MGA: variants seen among roughly 807,000 people sequenced by gnomAD.
MGA encodes the protein MAX dimerization protein MGA, also known as MAX gene-associated protein.
In MGA, 40 loss-of-function variants were observed where a neutral mutation model predicts 261.1. That is an observed-to-expected ratio of 0.15 (90% confidence interval 0.12 to 0.20). The LOEUF is 0.20. Ranked by LOEUF, MGA falls within the 10% of genes least tolerant of loss-of-function variation. The pLI is 1.00. For synonymous variants in MGA, 1,302 were observed against 1,290.6 expected (o/e 1.01, Z -0.19); for missense variants, 3,397 against 3,630.5 (o/e 0.94, Z 1.65).
rs1158421795 is a variant in MGA at position 41,769,110 on chromosome 15, A to G, written c.*1830A>G. On this transcript the variant is annotated 3_prime_UTR_variant, in exon 24 of 24. Coordinates refer to ENST00000219905, the MANE Select transcript of MGA (RefSeq NM_001164273.2). ...CCAGCACCTGTCTCCCCTGCTAATAATTGTCCTTAGAGATGCTAGTACTTT... is the reference window on the plus strand; with the variant it reads ...CCAGCACCTGTCTCCCCTGCTAATAGTTGTCCTTAGAGATGCTAGTACTTT... The G allele has an allele frequency of 6.6e-6, 1 of 152,564 alleles. No homozygotes were observed. The highest frequency in any genetic ancestry group is 2.4e-5 in the African/African-American group (1 of 41,416). 9.5% of individuals were successfully genotyped at this position (152,564 alleles called of 1,614,324 possible). A position where few individuals can be genotyped will look rare whatever the true frequency, so the allele number is the denominator to read the frequency against.
intron 1 of MGA, among the ~76,000 whole-genome samples, chr15:41,647,878 C>T (rs1019719366): frequency 3.0e-4 from 45 of 152,254 alleles, no homozygotes; most frequent in African/African-American, 1.0e-3. Context: ...AAAAGTACAT[C>T]GCATACTAAA....
chr15:41,665,881 T>G (rs1280920319), intron 1 of MGA, among the ~76,000 whole-genome samples: 1 of 152,126 alleles, frequency 6.6e-6, no homozygotes, highest in Non-Finnish European at 1.5e-5. Flanking sequence ...GACCTTTTTC[T>G]TTATAACCTT....
intron 2 of MGA, among the ~76,000 whole-genome samples, chr15:41,677,285 G>A (rs2058438151): frequency 6.6e-6 from 1 of 152,162 alleles, no homozygotes; most frequent in Non-Finnish European, 1.5e-5. Context: ...GCGATTACAG[G>A]CACGTGCCAC....
chr15:41,706,027 A>G (rs2060092501), intron 5 of MGA, among the ~76,000 whole-genome samples: 1 of 152,088 alleles, frequency 6.6e-6, no homozygotes, highest in Non-Finnish European at 1.5e-5. Flanking sequence ...TTACGAGGTC[A>G]GGATTTCGAG....
At chr15:41,697,445 C>T (rs1467882681) in intron 3 of MGA, among the ~76,000 whole-genome samples, 3 of 132,094 alleles carry the variant, frequency 2.3e-5, no homozygotes, top group Non-Finnish European at 3.1e-5. Context: ...GAGACAGAGT[C>T]TTGCTCTGTT....
At chr15:41,662,106 C>A (rs1283292367) in intron 1 of MGA, among the ~76,000 whole-genome samples, 2 of 152,096 alleles carry the variant, frequency 1.3e-5, no homozygotes, top group Admixed American at 6.6e-5. Flanking sequence ...CGGAACAGCG[C>A]TAGTGTTTCT....
Position 41,742,937 on chromosome 15 carries a change from C to T in MGA, c.4977C>T (p.Asn1659=). Residue 1659 remains asparagine, a synonymous_variant, in exon 15 of 24, where the codon AAC becomes AAT. Coordinates refer to ENST00000219905, the MANE Select transcript of MGA (RefSeq NM_001164273.2). ...CTACCCAGTCTACAGCCACTGTGAACCTTACCAAAACCACTGGGATAACTA... is the reference window on the plus strand; with the variant it reads ...CTACCCAGTCTACAGCCACTGTGAATCTTACCAAAACCACTGGGATAACTA... 1 of 1,614,000 alleles carries T rather than the reference C, an allele frequency of 6.2e-7. No homozygotes were observed. Among genetic ancestry groups the T allele is most frequent in the South Asian group, 1.1e-5 (1 of 91,084 alleles).
intron 19 of MGA, among the ~76,000 whole-genome samples, chr15:41,758,094 A>T (rs2063246692): frequency 6.6e-6 from 1 of 152,102 alleles, no homozygotes. Flanking sequence ...ATGAGAATAT[A>T]TGTGGTTATT....
intron 6 of MGA, 85 bp from the exon 7 acceptor site, chr15:41,708,019 C>G (rs1224872143): frequency 5.1e-6 from 7 of 1,361,968 alleles, no homozygotes; most frequent in Non-Finnish European, 7.0e-6. Flanking sequence ...TATACACTTA[C>G]CAAATTAAAG....
At chr15:41,657,688 A>C (rs555908444), upstream of MGA, among the ~76,000 whole-genome samples, 1 of 150,832 alleles carries the variant, frequency 6.6e-6, no homozygotes, top group African/African-American at 2.5e-5. Context: ...AACAAAACAA[A>C]AAAAAAAACA....
chr15:41,709,862 G>T (rs545638567), intron 7 of MGA, among the ~76,000 whole-genome samples: 1 of 131,526 alleles, frequency 7.6e-6, no homozygotes, highest in South Asian at 2.4e-4. Context: ...TGGTCTTGTT[G>T]CCCAGCTGGA....
intron 1 of MGA, among the ~76,000 whole-genome samples, chr15:41,667,434 CAG>C (rs927300157): frequency 6.6e-6 from 1 of 152,032 alleles, no homozygotes; most frequent in Non-Finnish European, 1.5e-5. Context: ...TTAGTAGAGA[CAG>C]GGTTTCACCA....
At chr15:41,624,724 C>A (rs1007627449) in intron 1 of MGA, among the ~76,000 whole-genome samples, 1 of 152,178 alleles carries the variant, frequency 6.6e-6, no homozygotes, top group African/African-American at 2.4e-5. Flanking sequence ...CCCATCTCGG[C>A]CTCCTAAAGT....
chr15:41,738,498 TATACTC>T (rs1355147110), intron 13 of MGA, among the ~76,000 whole-genome samples: 1 of 152,352 alleles, frequency 6.6e-6, no homozygotes, highest in East Asian at 1.9e-4. Flanking sequence ...TGATATTTCT[TATACTC>T]TTGATGAGGA....
At chr15:41,629,015 G>A (rs1274418136) in intron 1 of MGA, among the ~76,000 whole-genome samples, 1 of 149,960 alleles carries the variant, frequency 6.7e-6, no homozygotes, top group Non-Finnish European at 1.5e-5. Flanking sequence ...GGTGGCGGGC[G>A]CCTGTAGTCG....
intron 10 of MGA, among the ~76,000 whole-genome samples, chr15:41,728,323 TC>T: frequency 6.6e-6 from 1 of 152,182 alleles, no homozygotes; most frequent in African/African-American, 2.4e-5. Context: ...AGAGCAAGAC[TC>T]CATCTCAAAA....
At chr15:41,660,894 T>C (rs2057359035) in intron 1 of MGA, among the ~76,000 whole-genome samples, 1 of 152,160 alleles carries the variant, frequency 6.6e-6, no homozygotes, top group South Asian at 2.1e-4. Context: ...CGTGACGACT[T>C]CTCGCCCGGC....
At chr15:41,719,591 A>T (rs2151584519) in intron 9 of MGA, among the ~76,000 whole-genome samples, 1 of 152,120 alleles carries the variant, frequency 6.6e-6, no homozygotes, top group East Asian at 1.9e-4. Flanking sequence ...AAATACAAAA[A>T]ATTAGCCTGG....
chr15:41,757,710 T>A (rs989032960), intron 18 of MGA, 78 bp from the exon 19 acceptor site: 5 of 1,118,304 alleles, frequency 4.5e-6, no homozygotes, highest in Non-Finnish European at 6.6e-6. Flanking sequence ...TAATTTGGAA[T>A]GGTTTGGTTG....
Sources: gnomAD v4.1 joint callset for allele counts (sites outside exome capture counted in the v4.1 genomes callset) on GRCh38, gnomAD v4.1.1 for gene constraint, MANE v1.5 for transcripts, NCBI Gene and HGNC (gene_info 2026-07-23, HGNC 2026-07-21) for gene names.